L3MBTL4: variants seen among roughly 807,000 people sequenced by gnomAD.
L3MBTL4 encodes L3MBTL histone methyl-lysine binding protein 4, also known as lethal(3)malignant brain tumor-like protein 4.
In L3MBTL4, 70 loss-of-function variants were observed where a neutral mutation model predicts 84.5. The observed-to-expected ratio is 0.83, with a 90% CI of 0.68 to 1.01. The LOEUF is 1.01. Ranked by LOEUF, L3MBTL4 falls within the 50% of genes least tolerant of loss-of-function variation. The pLI is 0.00. For synonymous variants in L3MBTL4, 274 were observed against 259.8 expected (o/e 1.05, Z -0.52); for missense variants, 715 against 754.8 (o/e 0.95, Z 0.62).
intron 16 of L3MBTL4, chr18:6,029,985 A>C: frequency 1.0e-6 from 1 of 985,500 alleles, no homozygotes; most frequent in Non-Finnish European, 1.2e-6. Context: ...TTACACAGCA[A>C]CATGAAAACC....
At chr18:6,237,359 G>C (rs896129883) in intron 10 of L3MBTL4, among the ~76,000 whole-genome samples, 1 of 143,218 alleles carries the variant, frequency 7.0e-6, no homozygotes. Flanking sequence ...GAAATAGCTA[G>C]TTTTAAGTAT....
At chr18:6,304,601 C>T (rs548863660) in intron 3 of L3MBTL4, among the ~76,000 whole-genome samples, 3 of 152,342 alleles carry the variant, frequency 2.0e-5, no homozygotes, top group South Asian at 2.1e-4. Flanking sequence ...AAAGCCACCA[C>T]CTTTTAGCAG....
At chr18:6,289,868 G>T (rs533604488) in intron 4 of L3MBTL4, among the ~76,000 whole-genome samples, 6 of 152,228 alleles carry the variant, frequency 3.9e-5, no homozygotes, top group African/African-American at 1.4e-4. Context: ...TCCTGTATCT[G>T]ATCAAGTAAC....
intron 14 of L3MBTL4, among the ~76,000 whole-genome samples, chr18:6,135,529 C>A (rs1406482986): frequency 2.0e-5 from 3 of 152,216 alleles, no homozygotes; most frequent in Non-Finnish European, 2.9e-5. Flanking sequence ...TTAGAAATTT[C>A]TTCCACCAGA....
intron 14 of L3MBTL4, 43 bp from the exon 15 acceptor site, chr18:6,093,571 G>T (rs780702684): frequency 6.7e-7 from 1 of 1,496,236 alleles, no homozygotes; most frequent in South Asian, 1.4e-5. Flanking sequence ...AGTATACAGT[G>T]ATAAATCAGG....
chr18:6,010,529 G>A (rs904665592), intron 16 of L3MBTL4, among the ~76,000 whole-genome samples: 3 of 152,038 alleles, frequency 2.0e-5, no homozygotes, highest in Non-Finnish European at 2.9e-5. Context: ...TTGCATGTGC[G>A]GTATTAATAC....
intron 16 of L3MBTL4, among the ~76,000 whole-genome samples, chr18:6,016,714 C>T (rs2145446487): frequency 6.6e-6 from 1 of 152,326 alleles, no homozygotes; most frequent in South Asian, 2.1e-4. Context: ...GCATGATTTG[C>T]TAAGTCTACA....
chr18:6,350,658 G>T (rs534018914), intron 1 of L3MBTL4, among the ~76,000 whole-genome samples: 1 of 151,960 alleles, frequency 6.6e-6, no homozygotes, highest in Non-Finnish European at 1.5e-5. Flanking sequence ...TATAGAAAAC[G>T]GTATGGTGGT....
chr18:6,396,923 A>G (rs1406145226), intron 1 of L3MBTL4: 1 of 152,242 alleles, frequency 6.6e-6, no homozygotes, highest in Non-Finnish European at 1.5e-5. Context: ...CTAACCAATG[A>G]GTTAAAGCCA....
intron 16 of L3MBTL4, among the ~76,000 whole-genome samples, chr18:6,011,338 A>G (rs1157897976): frequency 1.3e-5 from 2 of 152,244 alleles, no homozygotes; most frequent in African/African-American, 2.4e-5. Context: ...ATCAAGAGAT[A>G]AAGGTAGATC....
At chr18:6,024,504 C>T (rs2055414971) in intron 16 of L3MBTL4, among the ~76,000 whole-genome samples, 1 of 152,246 alleles carries the variant, frequency 6.6e-6, no homozygotes, top group Non-Finnish European at 1.5e-5. Flanking sequence ...TAATACATTC[C>T]AGGATATTGT....
At chr18:6,047,169 A>C in intron 16 of L3MBTL4, among the ~76,000 whole-genome samples, 1 of 152,182 alleles carries the variant, frequency 6.6e-6, no homozygotes, top group Non-Finnish European at 1.5e-5. Context: ...GTATTCCTGG[A>C]AACACATAAC....
intron 16 of L3MBTL4, among the ~76,000 whole-genome samples, chr18:6,032,443 G>A (rs1475936731): frequency 6.6e-6 from 1 of 151,592 alleles, no homozygotes; most frequent in Admixed American, 6.6e-5. Flanking sequence ...TACAGGTCGA[G>A]GGGGGCAGAA....
chr18:6,251,267 GT>G (rs918266149), intron 5 of L3MBTL4, among the ~76,000 whole-genome samples: 62 of 152,338 alleles, frequency 4.1e-4, no homozygotes, highest in African/African-American at 1.3e-3. Flanking sequence ...AAGATTTTAT[GT>G]TTGGTCTGAA....
At chr18:6,211,393 C>T (rs1243777878) in intron 12 of L3MBTL4, among the ~76,000 whole-genome samples, 1 of 152,118 alleles carries the variant, frequency 6.6e-6, no homozygotes, top group Non-Finnish European at 1.5e-5. Flanking sequence ...TTGAAAAATA[C>T]TGACTTTAAA....
intron 1 of L3MBTL4, among the ~76,000 whole-genome samples, chr18:6,323,734 A>G (rs534148716): frequency 6.6e-6 from 1 of 152,046 alleles, no homozygotes; most frequent in Admixed American, 6.5e-5. Flanking sequence ...ATATTTAAAA[A>G]GGAAGCAGAG....
intron 13 of L3MBTL4, among the ~76,000 whole-genome samples, chr18:6,163,294 T>TGC (rs1334015732): frequency 7.7e-6 from 1 of 129,912 alleles, no homozygotes; most frequent in African/African-American, 3.3e-5. Flanking sequence ...TGTGTGTGTG[T>TGC]GTGTGTGTGT....
Position 6,337,629 on chromosome 18 carries a change from G to A in L3MBTL4, c.-90-25573C>T, listed in dbSNP as rs918487492. ...CTGTAGAAAATAGTACCTAAGAAAG[G>A]GTTTCTAAAGTACTGGGAATGTTCT... On this transcript the variant is annotated intron_variant, in intron 1 of 18. Coordinates refer to ENST00000317931, the MANE Select transcript of L3MBTL4 (RefSeq NM_001330559.2). 2.2e-4 allele frequency among the ~76,000 whole-genome samples: 33 copies of A among 152,086 alleles called. No individual in the cohort carries two copies. The South Asian group carries it at 3.1e-3, about 14-fold the overall frequency.
intron 10 of L3MBTL4, among the ~76,000 whole-genome samples, chr18:6,229,496 C>A (rs1361271571): frequency 1.3e-5 from 2 of 152,038 alleles, no homozygotes; most frequent in Non-Finnish European, 2.9e-5. Flanking sequence ...TCCAATTTGT[C>A]TATTTTTTCT....
Sources: allele counts gnomAD v4.1 joint callset (sites outside exome capture counted in the v4.1 genomes callset), GRCh38; gene constraint gnomAD v4.1.1; transcripts MANE v1.5; gene names NCBI Gene and HGNC (gene_info 2026-07-23, HGNC 2026-07-21).